Variants in LTF observed in about 807,000 individuals in gnomAD.
The protein encoded by LTF is epididymis luminal protein 110.
A neutral mutation model predicts 87.2 loss-of-function variants in LTF; 91 were observed. That is an observed-to-expected ratio of 1.04 (90% CI 0.88 to 1.24). The LOEUF is 1.24. Ranked by LOEUF, LTF falls within the 50% of genes most tolerant of loss-of-function variation. LTF has a pLI of 0.00. For synonymous variants in LTF, 378 were observed against 356.1 expected, an observed-to-expected ratio of 1.06 and a Z score of -0.69; for missense variants, 901 against 904.3, an observed-to-expected ratio of 1.00 and a Z score of 0.05.
intron 1 of LTF, among the ~76,000 whole-genome samples, chr3:46,479,081 G>A (rs1452940667): frequency 6.6e-6 from 1 of 152,230 alleles, no homozygotes; most frequent in Non-Finnish European, 1.5e-5. Flanking sequence ...GGAATAGTCA[G>A]TTACCACCAT....
chr3:46,448,809 G>C (rs1396461296), intron 9 of LTF, 54 bp downstream of exon 9: 24 of 1,591,542 alleles, frequency 1.5e-5, no homozygotes, highest in Non-Finnish European at 2.0e-5. Flanking sequence ...CAGATGCCCA[G>C]GCCCTAGGTC....
At chr3:46,465,049 C>A, upstream of LTF, 1 of 647,700 alleles carries the variant, frequency 1.5e-6, no homozygotes, top group Non-Finnish European at 2.8e-6. Context: ...TGAGGCAGGA[C>A]AGGACTCCAC....
At chr3:46,463,560 C>A (rs1703139192) in intron 1 of LTF, 1 of 985,404 alleles carries the variant, frequency 1.0e-6, no homozygotes, top group South Asian at 4.7e-5. Flanking sequence ...TACAAGCCAC[C>A]ATCCCAATTG....
chr3:46,448,538 C>A (rs993433643), intron 9 of LTF, among the ~76,000 whole-genome samples: 4 of 152,176 alleles, frequency 2.6e-5, no homozygotes, highest in African/African-American at 7.2e-5. Flanking sequence ...ATTAGCCAGA[C>A]TTTAACCATG....
chr3:46,478,661 G>C (rs1278882824), intron 1 of LTF, among the ~76,000 whole-genome samples: 1 of 152,208 alleles, frequency 6.6e-6, no homozygotes, highest in African/African-American at 2.4e-5. Flanking sequence ...GCAGAATGAG[G>C]AACTAGTGGG....
intron 1 of LTF, among the ~76,000 whole-genome samples, chr3:46,483,415 T>C (rs1228562153): frequency 6.6e-6 from 1 of 152,204 alleles, no homozygotes; most frequent in African/African-American, 2.4e-5. Flanking sequence ...ATAAATCAAT[T>C]GTAATACTAT....
chr3:46,478,006 C>T (rs779385190), intron 1 of LTF, among the ~76,000 whole-genome samples: 11 of 152,326 alleles, frequency 7.2e-5, no homozygotes, highest in South Asian at 2.1e-4. Context: ...AACCCAGCAG[C>T]GTGCCCCAGC....
At chr3:46,464,967 G>A (rs1703178715), upstream of LTF, 6 of 1,197,086 alleles carry the variant, frequency 5.0e-6, no homozygotes, top group African/African-American at 4.6e-5. Context: ...TTGCCCAATA[G>A]ACACCCCTTC....
chr3:46,482,099 T>G (rs1231005689), intron 1 of LTF, among the ~76,000 whole-genome samples: 1 of 152,176 alleles, frequency 6.6e-6, no homozygotes, highest in African/African-American at 2.4e-5. Flanking sequence ...TTCTTACTTT[T>G]TATGCGACTC....
intron 6 of LTF, among the ~76,000 whole-genome samples, chr3:46,451,274 GA>G (rs1702796565): frequency 6.6e-6 from 1 of 152,106 alleles, no homozygotes; most frequent in South Asian, 2.1e-4. Context: ...GTCAAAATCA[GA>G]AAAAGTATAG....
chr3:46,440,784 G>C (rs541747839), intron 14 of LTF, among the ~76,000 whole-genome samples: 1 of 152,346 alleles, frequency 6.6e-6, no homozygotes, highest in East Asian at 1.9e-4. Flanking sequence ...CACCTGCTGA[G>C]ACTTGGGGGT....
upstream of LTF, chr3:46,465,110 C>A: frequency 1.8e-6 from 1 of 564,824 alleles, no homozygotes; most frequent in South Asian, 2.1e-5. Flanking sequence ...CCTGGTTCTG[C>A]CTGGCTGCTG....
At chr3:46,463,257 C>T (rs1328173839) in intron 1 of LTF, among the ~76,000 whole-genome samples, 2 of 151,988 alleles carry the variant, frequency 1.3e-5, no homozygotes, top group Non-Finnish European at 2.9e-5. Context: ...GCGCTGGCCT[C>T]CAAGGCAGGG....
At chr3:46,442,277 TAC>T (rs1004260756) in intron 13 of LTF, among the ~76,000 whole-genome samples, 1 of 152,208 alleles carries the variant, frequency 6.6e-6, no homozygotes, top group Admixed American at 6.5e-5. Context: ...TCTTCTATAC[TAC>T]AGAGTCAGCA....
intron 6 of LTF, among the ~76,000 whole-genome samples, chr3:46,452,027 A>T (rs1702815020): frequency 6.6e-6 from 1 of 152,258 alleles, no homozygotes. Flanking sequence ...ACAATTCTAG[A>T]TATCCAGATC....
At chr3:46,469,055 A>G (rs1403174111), upstream of LTF, among the ~76,000 whole-genome samples, 1 of 152,192 alleles carries the variant, frequency 6.6e-6, no homozygotes, top group African/African-American at 2.4e-5. Context: ...GAGAAATAGG[A>G]TAATAATCTT....
intron 10 of LTF, 41 bp from the exon 11 acceptor site, chr3:46,446,534 G>A: frequency 1.3e-6 from 2 of 1,559,964 alleles, no homozygotes; most frequent in South Asian, 1.1e-5. Context: ...TATCCATTCA[G>A]ATGTAGTGAG....
intron 1 of LTF, among the ~76,000 whole-genome samples, chr3:46,478,568 G>C (rs1703393034): frequency 6.6e-6 from 1 of 152,196 alleles, no homozygotes. Context: ...CAGTGCAGCT[G>C]GATGAGGAAG....
intron 1 of LTF, among the ~76,000 whole-genome samples, chr3:46,464,155 G>A (rs115786196): frequency 6.6e-5 from 10 of 152,196 alleles, no homozygotes; most frequent in African/African-American, 2.4e-4. Flanking sequence ...GCGCTGGGGA[G>A]TGCCCTCTGA....
Sources: allele counts gnomAD v4.1 joint callset (sites outside exome capture counted in the v4.1 genomes callset), GRCh38; gene constraint gnomAD v4.1.1; transcripts MANE v1.5; gene names NCBI Gene and HGNC (gene_info 2026-07-23, HGNC 2026-07-21).